The following PCDH15 variants were observed in gnomAD, a reference collection of about 807,000 sequenced individuals.
PCDH15 encodes the protein protocadherin-15.
A neutral mutation model predicts 178.5 loss-of-function variants in PCDH15; 129 were observed. The ratio of observed to expected loss-of-function variants is 0.72; its 90% CI spans 0.63 to 0.84. The LOEUF is 0.84. Ranked by LOEUF, PCDH15 falls within the 40% of genes least tolerant of loss-of-function variation. The pLI is 0.00. For synonymous variants in PCDH15, 800 were observed against 732.0 expected (o/e 1.09, Z -1.50); for missense variants, 2,230 against 2,099.9 (o/e 1.06, Z -1.21).
chr10:55,141,904 T>G (rs1407977396), intron 2 of PCDH15, among the ~76,000 whole-genome samples: 1 of 152,000 alleles, frequency 6.6e-6, no homozygotes, highest in Non-Finnish European at 1.5e-5. Context: ...ACATCTTTTG[T>G]GGACATCAAA....
intron 3 of PCDH15, among the ~76,000 whole-genome samples, chr10:54,885,403 C>T (rs1475936129): frequency 6.6e-6 from 1 of 151,868 alleles, no homozygotes; most frequent in Non-Finnish European, 1.5e-5. Context: ...GTGATATTAG[C>T]ATTAAAAGAC....
At chr10:55,138,297 G>C (rs778171804) in intron 2 of PCDH15, among the ~76,000 whole-genome samples, 1 of 152,014 alleles carries the variant, frequency 6.6e-6, no homozygotes, top group African/African-American at 2.4e-5. Flanking sequence ...GTTCTTTTAC[G>C]TGTTTACCCT....
At chr10:55,480,533 T>A (rs1452359074) in intron 2 of PCDH15, among the ~76,000 whole-genome samples, 1 of 151,692 alleles carries the variant, frequency 6.6e-6, no homozygotes, top group East Asian at 1.9e-4. Flanking sequence ...GAGTTTTTTT[T>A]ATCATGAAGT....
At position 55,043,399 on chromosome 10, in the gene PCDH15, T is replaced by TA. The variant is rs552471689; in HGVS notation, c.-80+123176dup. Among the ~76,000 whole-genome samples the TA allele has an allele frequency of 2.2e-3, 341 of 151,754 alleles. 1 individual carries two copies. Among genetic ancestry groups the TA allele is most frequent in the African/African-American group, 7.6e-3 (315 of 41,362 alleles). On this transcript the variant is annotated intron_variant, in intron 2 of 5. Coordinates refer to the PCDH15 transcript ENST00000458638. The stretch of plus-strand genomic sequence containing the variant: ...CTCTTAAGAGTATCCTCTGTCTACA[T>TA]AAAAAAACAGGAAAAACAAAATAAA...
intron 29 of PCDH15, among the ~76,000 whole-genome samples, chr10:53,832,711 C>CA (rs761327069): frequency 6.6e-6 from 1 of 150,776 alleles, no homozygotes; most frequent in Non-Finnish European, 1.5e-5. Flanking sequence ...ATTTCATTAT[C>CA]AAAATATAAT....
intron 5 of PCDH15, among the ~76,000 whole-genome samples, chr10:54,354,711 T>C (rs1468265931): frequency 6.6e-6 from 1 of 151,984 alleles, no homozygotes; most frequent in Non-Finnish European, 1.5e-5. Flanking sequence ...TAATTATACC[T>C]AGAAATTGTA....
chr10:54,175,665 CA>C (rs2047362723), intron 13 of PCDH15, among the ~76,000 whole-genome samples: 2 of 152,094 alleles, frequency 1.3e-5, no homozygotes, highest in Admixed American at 1.3e-4. Context: ...TACAAAGTGG[CA>C]GAAAGAAATG....
intron 2 of PCDH15, among the ~76,000 whole-genome samples, chr10:55,067,908 C>T (rs115828645): frequency 0.014 from 2,164 of 151,932 alleles, 57 homozygotes; most frequent in African/African-American, 0.049. Flanking sequence ...AATGTTTATT[C>T]GTGTCCTTTG....
chr10:55,611,139 C>T (rs768226995), intron 2 of PCDH15, among the ~76,000 whole-genome samples: 1 of 151,678 alleles, frequency 6.6e-6, no homozygotes, highest in Non-Finnish European at 1.5e-5. Flanking sequence ...TAGATATGAC[C>T]AAAAATGCAC....
intron 8 of PCDH15, among the ~76,000 whole-genome samples, chr10:54,297,085 C>A (rs541733109): frequency 6.6e-6 from 1 of 152,146 alleles, no homozygotes; most frequent in African/African-American, 2.4e-5. Context: ...GGTGCTTGGG[C>A]AAGAGGGGTT....
At chr10:55,263,991 C>T (rs1842216556) in intron 1 of PCDH15, among the ~76,000 whole-genome samples, 1 of 152,054 alleles carries the variant, frequency 6.6e-6, no homozygotes, top group Non-Finnish European at 1.5e-5. Flanking sequence ...GCCTCGGCCT[C>T]CCAAAGTGCT....
At chr10:54,076,448 T>C (rs2094343616) in intron 17 of PCDH15, among the ~76,000 whole-genome samples, 1 of 152,080 alleles carries the variant, frequency 6.6e-6, no homozygotes, top group South Asian at 2.1e-4. Context: ...CCTTTTCAAA[T>C]TGGATCTTTC....
intron 3 of PCDH15, among the ~76,000 whole-genome samples, chr10:54,514,251 T>C (rs114046228): frequency 0.045 from 6,806 of 151,840 alleles, 374 homozygotes; most frequent in African/African-American, 0.13. Context: ...AACCCAGAAA[T>C]AAATTAATCT....
At chr10:54,865,841 G>A (rs1591751830) in intron 3 of PCDH15, among the ~76,000 whole-genome samples, 3 of 152,138 alleles carry the variant, frequency 2.0e-5, no homozygotes, top group East Asian at 3.9e-4. Flanking sequence ...AGCTTAAGGG[G>A]AGAAGAAAAT....
chr10:53,822,641 C>T lies in PCDH15; in HGVS notation c.4368-2411G>A, dbSNP rs1218827451. The stretch of plus-strand genomic sequence containing the variant: ...TTGAAGGAGAAAGTTCCAAGGAACA[C>T]TCAGCAGGAGAACTGATGACATTAG... On this transcript the variant is annotated intron_variant, in intron 32 of 37. Coordinates refer to ENST00000644397, the MANE Select transcript of PCDH15 (RefSeq NM_001384140.1). The T allele has an allele frequency of 7.4e-6, 12 of 1,613,884 alleles. No homozygotes were observed. The Admixed American group carries it at 2.0e-4, about 27-fold the overall frequency.
rs574576434 is a variant in PCDH15 at position 54,384,576 on chromosome 10, C to T, written c.158-5634G>A. 1.3e-4 allele frequency among the ~76,000 whole-genome samples: 20 copies of T among 152,150 alleles called. No individual in the cohort carries two copies. The South Asian group carries it at 3.1e-3, about 24-fold the overall frequency. ...ATCCTCTTGGGTATGCTTGCCTACC[C>T]TTCTAGATGTTTGAAGAGTTTGTAT... On this transcript the variant is annotated intron_variant, in intron 3 of 37. Transcript: ENST00000644397.
In PCDH15 at chr10:55,052,537, C is replaced by CAAAAAAAAA. The variant is rs71014444; in HGVS notation, c.-80+114030_-80+114038dup. ...AACATGGCGAAAACCCCGTCTCATACAAAAAAAAAAAAAAAAAAAAAAAAA... is the reference window on the plus strand; with the variant it reads ...AACATGGCGAAAACCCCGTCTCATACAAAAAAAAAAAAAAAAAAAAAAAAAAAAAAAAAA... On this transcript the variant is annotated intron_variant, in intron 2 of 5. Transcript: ENST00000458638. 4.7e-3 allele frequency among the ~76,000 whole-genome samples: 185 copies of CAAAAAAAAA among 39,354 alleles called. 79 individuals are homozygous for CAAAAAAAAA. Among genetic ancestry groups the CAAAAAAAAA allele is most frequent in the African/African-American group, 0.012 (140 of 11,396 alleles). 25.8% of individuals were successfully genotyped at this position (39,354 alleles called of 152,430 possible).
chr10:55,321,889 C>T (rs564498477), upstream of PCDH15, among the ~76,000 whole-genome samples: 69 of 152,310 alleles, frequency 4.5e-4, no homozygotes, highest in African/African-American at 1.6e-3. Context: ...TAGTTACTAG[C>T]CACTACAAAA....
At chr10:54,777,975 A>C (rs1332638647) in intron 1 of PCDH15, among the ~76,000 whole-genome samples, 1 of 152,218 alleles carries the variant, frequency 6.6e-6, no homozygotes, top group East Asian at 1.9e-4. Flanking sequence ...TAGCAAAAGA[A>C]TAAAAATCCT....
Sources: allele counts gnomAD v4.1 joint callset (sites outside exome capture counted in the v4.1 genomes callset), GRCh38; gene constraint gnomAD v4.1.1; transcripts MANE v1.5; gene names NCBI Gene and HGNC (gene_info 2026-07-23, HGNC 2026-07-21).